The following CELA3B variants were observed in gnomAD, a reference collection of about 807,000 sequenced individuals.
The protein encoded by CELA3B is chymotrypsin-like elastase family member 3B.
Under a neutral mutation model 37.2 loss-of-function variants are expected in CELA3B, and 34 were observed. The observed-to-expected ratio is 0.91, with a 90% CI of 0.70 to 1.22. The LOEUF (loss-of-function observed/expected upper bound fraction) is 1.22. CELA3B is among the 50% of genes most tolerant of loss of function. The pLI is 0.00. For missense variants in CELA3B, 340 were observed against 363.1 expected, an observed-to-expected ratio of 0.94 and a Z score of 0.52; for synonymous variants, 127 against 143.5, an observed-to-expected ratio of 0.89 and a Z score of 0.82.
downstream of CELA3B, among the ~76,000 whole-genome samples, chr1:21,989,608 G>A (rs1314419667): frequency 1.3e-5 from 2 of 148,892 alleles, no homozygotes; most frequent in African/African-American, 5.1e-5. Context: ...CAAGTTGGTC[G>A]CCTTAGTATA....
chr1:21,991,911 G>C (rs929027051), downstream of CELA3B, among the ~76,000 whole-genome samples: 1 of 151,104 alleles, frequency 6.6e-6, no homozygotes, highest in African/African-American at 2.4e-5. Context: ...CTTGAGGTCA[G>C]GACTTTGTGA....
intron 6 of CELA3B, among the ~76,000 whole-genome samples, chr1:21,985,759 T>C (rs866318375): frequency 9.2e-5 from 14 of 151,986 alleles, no homozygotes; most frequent in Admixed American, 1.3e-4. Flanking sequence ...GGCATGGTGG[T>C]GGGCGCCTGT....
At chr1:21,984,997 G>A (rs973234514) in intron 6 of CELA3B, among the ~76,000 whole-genome samples, 1 of 151,950 alleles carries the variant, frequency 6.6e-6, no homozygotes, top group Non-Finnish European at 1.5e-5. Flanking sequence ...TACCATCATT[G>A]TTCTGGGCAC....
intron 4 of CELA3B, among the ~76,000 whole-genome samples, chr1:21,995,659 G>C (rs1191012703): frequency 6.6e-6 from 1 of 150,470 alleles, no homozygotes; most frequent in Non-Finnish European, 1.5e-5. Flanking sequence ...TCTATTTTTA[G>C]ATTGGTGTAA....
intron 7 of CELA3B, among the ~76,000 whole-genome samples, chr1:21,989,007 A>G (rs1363793417): frequency 6.6e-6 from 1 of 152,028 alleles, no homozygotes; most frequent in East Asian, 1.9e-4. Flanking sequence ...ATGTATATAT[A>G]TCTATGCACA....
chr1:21,980,741 CA>C (rs1569836810), intron 2 of CELA3B, 82 bp from the exon 3 acceptor site: 1 of 960,444 alleles, frequency 1.0e-6, no homozygotes, highest in East Asian at 2.4e-5. Flanking sequence ...TAGAGTTGCA[CA>C]GTGCACAACC....
intron 1 of CELA3B, 99 bp downstream of exon 1, chr1:21,977,181 G>A: frequency 1.9e-6 from 3 of 1,558,498 alleles, no homozygotes; most frequent in South Asian, 2.2e-5. Flanking sequence ...CCTATGCCTG[G>A]TTCCACAGGA....
At chr1:21,982,297 C>T (rs1419838055) in intron 4 of CELA3B, among the ~76,000 whole-genome samples, 1 of 152,022 alleles carries the variant, frequency 6.6e-6, no homozygotes, top group Non-Finnish European at 1.5e-5. Flanking sequence ...ATCAGCATCA[C>T]CTGGGAACCT....
intron 7 of CELA3B, among the ~76,000 whole-genome samples, chr1:21,988,880 ACT>A (rs1266638026): frequency 6.7e-6 from 1 of 150,312 alleles, no homozygotes; most frequent in East Asian, 1.9e-4. Flanking sequence ...ACAGAGTGAG[ACT>A]CTGTCTCAAA....
At chr1:21,991,737 T>G (rs966288759), downstream of CELA3B, among the ~76,000 whole-genome samples, 5 of 151,250 alleles carry the variant, frequency 3.3e-5, no homozygotes, top group African/African-American at 9.8e-5. Flanking sequence ...CCTGCAGAGA[T>G]CAGAAACAGG....
Position 21,981,013 on chromosome 1 carries a change from A to C in CELA3B, c.228-25A>C, listed in dbSNP as rs201396992. 5.3e-5 allele frequency: 85 copies of C among 1,613,956 alleles called. 2 individuals are homozygous for C. Among genetic ancestry groups the C allele is most frequent in the Middle Eastern group, 4.9e-4 (3 of 6,084 alleles). On this transcript the variant is annotated intron_variant, in intron 3 of 7. Transcript: ENST00000337107. ...AGGAGGGAGGTAGCCAGTCAGGCCC[A>C]GACTGACCTCACCTCCGCCCGCAGG... is the stretch of plus-strand genomic sequence containing the variant.
chr1:21,985,034 C>T (rs909112984), intron 6 of CELA3B, among the ~76,000 whole-genome samples: 1 of 151,980 alleles, frequency 6.6e-6, no homozygotes, highest in Non-Finnish European at 1.5e-5. Context: ...AATCCAAGTG[C>T]TTTGGGAGGC....
chr1:21,995,961 C>A (rs1416093827), intron 4 of CELA3B, among the ~76,000 whole-genome samples: 1 of 149,894 alleles, frequency 6.7e-6, no homozygotes, highest in African/African-American at 2.5e-5. Flanking sequence ...AGCCTGTAAT[C>A]CCAGCACTTT....
At chr1:21,984,143 G>A in intron 5 of CELA3B, 46 bp from the exon 6 acceptor site, 1 of 1,591,970 alleles carries the variant, frequency 6.3e-7, no homozygotes, top group Non-Finnish European at 8.6e-7. Context: ...GGGGCTCCTA[G>A]CCCTGTGCCC....
chr1:21,986,134 C>A (rs1439619258), intron 6 of CELA3B, among the ~76,000 whole-genome samples: 1 of 150,574 alleles, frequency 6.6e-6, no homozygotes, highest in Non-Finnish European at 1.5e-5. Flanking sequence ...TTTGGGAGGC[C>A]CCGGCAGGTG....
chr1:21,994,618 C>T (rs4655009), intron 4 of CELA3B, among the ~76,000 whole-genome samples: 143,376 of 150,696 alleles, frequency 0.95, 68,763 homozygotes, highest in Non-Finnish European at 1. Context: ...GCCAGTGGAA[C>T]GGCAGAAATC....
downstream of CELA3B, chr1:21,989,392 C>T (rs1202366928): frequency 8.3e-6 from 7 of 838,986 alleles, no homozygotes; most frequent in Admixed American, 1.2e-4. Context: ...ACCTCTTCCC[C>T]TCTGGCCTGT....
downstream of CELA3B, among the ~76,000 whole-genome samples, chr1:21,990,081 C>A (rs1440568816): frequency 6.7e-6 from 1 of 150,314 alleles, no homozygotes; most frequent in Non-Finnish European, 1.5e-5. Context: ...GGGAAGAGCC[C>A]CTTATAAAAC....
At chr1:21,978,202 T>C (rs1210846351) in intron 1 of CELA3B, among the ~76,000 whole-genome samples, 167 bp from the exon 2 acceptor site, 2 of 149,712 alleles carry the variant, frequency 1.3e-5, no homozygotes, top group African/African-American at 5.0e-5. Flanking sequence ...AGCCCTGCTC[T>C]AGTTTAAATG....
Sources: gnomAD v4.1 joint callset for allele counts (sites outside exome capture counted in the v4.1 genomes callset) on GRCh38, gnomAD v4.1.1 for gene constraint, MANE v1.5 for transcripts, NCBI Gene and HGNC (gene_info 2026-07-23, HGNC 2026-07-21) for gene names.